KLRG1: variants seen among roughly 807,000 people sequenced by gnomAD.
The protein encoded by KLRG1 is killer cell lectin like receptor G1, also known as killer cell lectin-like receptor subfamily G member 1.
A neutral mutation model predicts 21.8 loss-of-function variants in KLRG1; 16 were observed. The ratio of observed to expected loss-of-function variants is 0.73; its 90% CI spans 0.50 to 1.11. The LOEUF is 1.11. Ranked by LOEUF, KLRG1 falls within the 50% of genes most tolerant of loss-of-function variation. The pLI is 0.00. For synonymous variants in KLRG1, 69 were observed against 75.9 expected (o/e 0.91, Z 0.47); for missense variants, 173 against 218.3 (o/e 0.79, Z 1.31).
In KLRG1 at chr12:9,010,465, G is replaced by C. The variant is rs1464931823; in HGVS notation, c.*928G>C. 6.4e-6 allele frequency: 1 copy of C among 157,328 alleles called. No homozygotes were observed. Among genetic ancestry groups the C allele is most frequent in the Non-Finnish European group, 1.4e-5 (1 of 71,534 alleles). 9.7% of individuals were successfully genotyped at this position (157,328 alleles called of 1,614,324 possible). On this transcript the variant is annotated 3_prime_UTR_variant, in exon 5 of 5. Transcript: ENST00000356986. Reference sequence around the variant, plus strand: ...GAAAGTTTACAGAAACAGTTTATGTGGTTGGATCACCAAATTATCTTAGGT... The same window carrying C: ...GAAAGTTTACAGAAACAGTTTATGTCGTTGGATCACCAAATTATCTTAGGT...
the KLRG1 span, among the ~76,000 whole-genome samples, chr12:9,174,187 A>G: frequency 1.3e-5 from 2 of 152,212 alleles, no homozygotes; most frequent in Non-Finnish European, 2.9e-5. Flanking sequence ...ACAAATCAAT[A>G]AGTGCGATTC....
intron 1 of KLRG1, among the ~76,000 whole-genome samples, chr12:8,977,103 G>A (rs1321455824): frequency 6.6e-6 from 1 of 151,744 alleles, no homozygotes; most frequent in Non-Finnish European, 1.5e-5. Flanking sequence ...CTCTCTTTTG[G>A]TTACTTTTTG....
chr12:9,122,826 AT>A, the KLRG1 span, among the ~76,000 whole-genome samples: 1 of 152,140 alleles, frequency 6.6e-6, no homozygotes, highest in Non-Finnish European at 1.5e-5. Context: ...TCATTATTTA[AT>A]TTAAAGTAAT....
chr12:8,950,842 A>G (rs1946188044), intron 1 of KLRG1, among the ~76,000 whole-genome samples: 1 of 152,170 alleles, frequency 6.6e-6, no homozygotes, highest in Admixed American at 6.5e-5. Flanking sequence ...AAATTAAAGC[A>G]GATAGAAGCT....
At chr12:9,176,275 C>A in the KLRG1 span, among the ~76,000 whole-genome samples, 1 of 152,020 alleles carries the variant, frequency 6.6e-6, no homozygotes, top group East Asian at 1.9e-4. Context: ...CATGGGGGAA[C>A]AACACTCACT....
At chr12:9,125,430 G>A in the KLRG1 span, among the ~76,000 whole-genome samples, 1 of 152,104 alleles carries the variant, frequency 6.6e-6, no homozygotes, top group Non-Finnish European at 1.5e-5. Context: ...ACACCTCAAA[G>A]CACTAGGTAA....
At chr12:9,114,989 C>T in the KLRG1 span, among the ~76,000 whole-genome samples, 2 of 152,156 alleles carry the variant, frequency 1.3e-5, no homozygotes, top group African/African-American at 2.4e-5. Context: ...TGAATTTATG[C>T]ATCCATGGAT....
At chr12:9,192,599 G>C in the KLRG1 span, 2 of 1,614,170 alleles carry the variant, frequency 1.2e-6, no homozygotes, top group Non-Finnish European at 8.5e-7. Flanking sequence ...TGTGGCCACA[G>C]GGCAGGGTAC....
At chr12:9,098,073 AT>A in the KLRG1 span, among the ~76,000 whole-genome samples, 5 of 152,312 alleles carry the variant, frequency 3.3e-5, no homozygotes, top group South Asian at 6.2e-4. Flanking sequence ...GAGCTCTGGG[AT>A]TTTAAGGACT....
At chr12:9,165,161 T>C in the KLRG1 span, 1 of 1,614,070 alleles carries the variant, frequency 6.2e-7, no homozygotes, top group Non-Finnish European at 8.5e-7. Flanking sequence ...GGGAAGGTAG[T>C]TTAGGACCGT....
the KLRG1 span, among the ~76,000 whole-genome samples, chr12:9,030,486 A>G: frequency 6.6e-6 from 1 of 151,940 alleles, no homozygotes; most frequent in African/African-American, 2.4e-5. Context: ...GGCTCACTGC[A>G]ATCTCTACCT....
the KLRG1 span, chr12:9,079,201 G>T: frequency 7.1e-5 from 105 of 1,477,792 alleles, 1 homozygote; most frequent in East Asian, 2.4e-3. Flanking sequence ...ATGTAAAAGA[G>T]CTGGCACACA....
the KLRG1 span, among the ~76,000 whole-genome samples, chr12:9,183,843 A>G: frequency 2.0e-5 from 3 of 152,316 alleles, no homozygotes; most frequent in East Asian, 1.9e-4. Flanking sequence ...CTATGTGTTT[A>G]TACTGCAAAG....
chr12:8,959,466 T>A (rs1448644964), intron 1 of KLRG1, among the ~76,000 whole-genome samples: 1 of 152,174 alleles, frequency 6.6e-6, no homozygotes, highest in Admixed American at 6.5e-5. Flanking sequence ...GCCAATCCGT[T>A]GTTTCAGTTC....
At chr12:9,051,501 C>T in the KLRG1 span, among the ~76,000 whole-genome samples, 9 of 152,306 alleles carry the variant, frequency 5.9e-5, 1 homozygote, top group African/African-American at 2.2e-4. Context: ...GAGCAATCCT[C>T]TCCACGCTTC....
At chr12:9,149,064 C>G in the KLRG1 span, 2 of 1,397,128 alleles carry the variant, frequency 1.4e-6, no homozygotes, top group Non-Finnish European at 1.0e-6. Flanking sequence ...GTGTGGGCAG[C>G]AGAGTGAGCT....
chr12:9,129,697 G>A, the KLRG1 span, among the ~76,000 whole-genome samples: 16 of 151,936 alleles, frequency 1.1e-4, no homozygotes, highest in Non-Finnish European at 1.9e-4. Context: ...ACAGGCGCCC[G>A]CCACCACGCC....
chr12:8,952,826 A>G (rs1946227131), intron 1 of KLRG1, among the ~76,000 whole-genome samples: 3 of 152,196 alleles, frequency 2.0e-5, no homozygotes, highest in African/African-American at 7.2e-5. Flanking sequence ...GTTTCAATAG[A>G]TGCTATGTAT....
chr12:9,197,958 TTATATATTATATATTAA>T, the KLRG1 span, among the ~76,000 whole-genome samples: 9 of 134,114 alleles, frequency 6.7e-5, no homozygotes, highest in Non-Finnish European at 1.4e-4. Context: ...TATTACATAT[TTATATATTATATATTAA>T]TATATATTAT....
Sources: allele counts gnomAD v4.1 joint callset (sites outside exome capture counted in the v4.1 genomes callset), GRCh38; gene constraint gnomAD v4.1.1; transcripts MANE v1.5; gene names NCBI Gene and HGNC (gene_info 2026-07-23, HGNC 2026-07-21).